CSMD2: variants seen among roughly 807,000 people sequenced by gnomAD.
CSMD2 encodes the protein CUB and sushi domain-containing protein 2.
In CSMD2, 130 loss-of-function variants were observed where a neutral mutation model predicts 398.5. The ratio of observed to expected loss-of-function variants is 0.33; its 90% CI spans 0.28 to 0.38. The LOEUF (loss-of-function observed/expected upper bound fraction) is 0.38. Among genes scored for constraint, CSMD2 ranks in the 10% least tolerant of loss-of-function variants. The pLI is 1.00. For missense variants in CSMD2, 3,829 were observed against 4,764.9 expected (o/e 0.80, Z 5.78); for synonymous variants, 1,828 against 1,908.5 (o/e 0.96, Z 1.10).
chr1:33,712,863 G>A (rs977997624), intron 21 of CSMD2, among the ~76,000 whole-genome samples: 1 of 152,146 alleles, frequency 6.6e-6, no homozygotes, highest in African/African-American at 2.4e-5. Flanking sequence ...GATGCCTTTG[G>A]GGATGGTTAT....
At chr1:33,607,597 T>C (rs1473278241) in intron 41 of CSMD2, among the ~76,000 whole-genome samples, 2 of 152,238 alleles carry the variant, frequency 1.3e-5, no homozygotes, top group Non-Finnish European at 2.9e-5. Flanking sequence ...GTGGGAATAC[T>C]TAGGCCTCTG....
intron 13 of CSMD2, among the ~76,000 whole-genome samples, chr1:33,757,296 T>C (rs1649173480): frequency 6.6e-6 from 1 of 151,802 alleles, no homozygotes; most frequent in African/African-American, 2.4e-5. Context: ...ACCCTAAAAC[T>C]TAAAGTATAA....
intron 22 of CSMD2, among the ~76,000 whole-genome samples, chr1:33,706,394 G>C (rs1645779127): frequency 6.6e-6 from 1 of 151,810 alleles, no homozygotes; most frequent in Non-Finnish European, 1.5e-5. Context: ...TTTTTAATTG[G>C]GTGATCATGT....
intron 29 of CSMD2, among the ~76,000 whole-genome samples, chr1:33,639,720 C>T (rs1355991176): frequency 6.6e-6 from 1 of 152,200 alleles, no homozygotes; most frequent in African/African-American, 2.4e-5. Context: ...ACGATTCCAA[C>T]TACAGACTCT....
intron 21 of CSMD2, among the ~76,000 whole-genome samples, chr1:33,711,965 T>A (rs1194989209): frequency 6.6e-6 from 1 of 151,270 alleles, no homozygotes; most frequent in Non-Finnish European, 1.5e-5. Context: ...TCCGGGAGAG[T>A]CTCCAAAGTA....
intron 3 of CSMD2, among the ~76,000 whole-genome samples, chr1:33,963,652 T>A (rs1270627295): frequency 3.3e-5 from 5 of 152,200 alleles, no homozygotes; most frequent in Admixed American, 1.3e-4. Context: ...TTCATATAAA[T>A]GTAATCATAC....
chr1:33,581,685 A>C (rs1434783825), intron 47 of CSMD2, among the ~76,000 whole-genome samples: 2 of 152,192 alleles, frequency 1.3e-5, no homozygotes, highest in Non-Finnish European at 2.9e-5. Flanking sequence ...ACTGCTTTTG[A>C]AAGCTCTTTG....
rs909195660 is a variant in CSMD2, at chr1:34,003,504, A to G, written c.517+29090T>C. ...GGATGATCCCTAATGGGTAATAATA[A>G]TAGCTACCATTTATTGATTGGACGC... On this transcript the variant is annotated intron_variant, in intron 3 of 70. Coordinates refer to ENST00000373381, the MANE Select transcript of CSMD2 (RefSeq NM_001281956.2). 2.0e-4 allele frequency among the ~76,000 whole-genome samples: 30 copies of G among 152,168 alleles called. 1 individual carries two copies. The highest frequency in any genetic ancestry group is 1.7e-3 in the Admixed American group (26 of 15,288).
At chr1:33,971,942 G>T (rs1176315331) in intron 3 of CSMD2, among the ~76,000 whole-genome samples, 1 of 152,200 alleles carries the variant, frequency 6.6e-6, no homozygotes, top group Non-Finnish European at 1.5e-5. Flanking sequence ...TCCAGCCCAG[G>T]AGACAAATAC....
At chr1:33,903,341 T>TG (rs1200057418) in intron 5 of CSMD2, among the ~76,000 whole-genome samples, 1 of 151,640 alleles carries the variant, frequency 6.6e-6, no homozygotes, top group Non-Finnish European at 1.5e-5. Context: ...GAGCTTTTTT[T>TG]TTTTTTTAAA....
chr1:33,595,233 T>C (rs911946459), intron 44 of CSMD2, among the ~76,000 whole-genome samples: 1 of 152,238 alleles, frequency 6.6e-6, no homozygotes, highest in Non-Finnish European at 1.5e-5. Context: ...TTCAGAACTT[T>C]TATATTTTTG....
intron 4 of CSMD2, among the ~76,000 whole-genome samples, chr1:33,930,944 C>T (rs1002680865): frequency 2.0e-5 from 3 of 152,178 alleles, no homozygotes; most frequent in Admixed American, 2.0e-4. Flanking sequence ...GTCCCCAGAC[C>T]AAGTCCACCC....
intron 3 of CSMD2, among the ~76,000 whole-genome samples, chr1:34,008,194 C>T (rs987846711): frequency 2.0e-4 from 30 of 152,184 alleles, no homozygotes; most frequent in African/African-American, 5.8e-4. Flanking sequence ...CGTTTACCAC[C>T]CATCTCCCCA....
At chr1:33,583,188 C>T (rs919960071) in intron 47 of CSMD2, among the ~76,000 whole-genome samples, 1 of 152,170 alleles carries the variant, frequency 6.6e-6, no homozygotes, top group Admixed American at 6.5e-5. Context: ...GTAAATCCTA[C>T]AAAGTTCTGC....
At chr1:33,928,929 ATC>A (rs1644218702) in intron 4 of CSMD2, among the ~76,000 whole-genome samples, 1 of 152,048 alleles carries the variant, frequency 6.6e-6, no homozygotes, top group Non-Finnish European at 1.5e-5. Flanking sequence ...CCTTTCCCAG[ATC>A]TCTTTCTAGC....
At chr1:33,785,655 G>A (rs542932894) in intron 12 of CSMD2, among the ~76,000 whole-genome samples, 1 of 152,300 alleles carries the variant, frequency 6.6e-6, no homozygotes, top group East Asian at 1.9e-4. Flanking sequence ...AGAAACAGAG[G>A]CAGGGTGGTC....
intron 3 of CSMD2, among the ~76,000 whole-genome samples, chr1:33,950,188 A>G (rs1255931303): frequency 2.0e-5 from 3 of 151,986 alleles, no homozygotes; most frequent in Admixed American, 6.6e-5. Flanking sequence ...ACTTGCCCCA[A>G]TCCAACCCAT....
chr1:33,581,195 G>A (rs911109951), intron 47 of CSMD2, among the ~76,000 whole-genome samples: 17 of 151,726 alleles, frequency 1.1e-4, no homozygotes, highest in African/African-American at 4.1e-4. Context: ...TGGAAGAGCT[G>A]GTTTTCAAAC....
At position 33,825,696 on chromosome 1, in the gene CSMD2, C is replaced by T; in HGVS notation, c.1111+1G>A. The T allele has an allele frequency of 6.2e-7, 1 of 1,606,154 alleles. No homozygotes were observed. Among genetic ancestry groups the T allele is most frequent in the Non-Finnish European group, 8.5e-7 (1 of 1,176,352 alleles). On this transcript the variant is annotated splice_donor_variant, in intron 7 of 70. Transcript: ENST00000373381. LOFTEE classifies it high-confidence loss of function. ...AGGCGGGCTGGCGGGCGGACACTTA[C>T]ACACAGACGTCTTCTGGCTGTTGTC...
Sources: allele counts gnomAD v4.1 joint callset (sites outside exome capture counted in the v4.1 genomes callset), GRCh38; gene constraint gnomAD v4.1.1; transcripts MANE v1.5; gene names NCBI Gene and HGNC (gene_info 2026-07-23, HGNC 2026-07-21).